The following GLI3 variants were observed in gnomAD, a reference collection of about 807,000 sequenced individuals.
GLI3 encodes GLI family zinc finger 3.
GLI3 carries 20 observed loss-of-function variants against 100.8 expected under a neutral mutation model. The ratio of observed to expected loss-of-function variants is 0.20; its 90% CI spans 0.14 to 0.29. GLI3 has a LOEUF of 0.29. GLI3 is among the 10% of genes least tolerant of loss of function. The pLI is 1.00. For synonymous variants in GLI3, 938 were observed against 860.5 expected (o/e 1.09, Z -1.58); for missense variants, 2,040 against 2,128.5 (o/e 0.96, Z 0.82).
chr7:42,127,331 T>G (rs1583580422), intron 3 of GLI3, among the ~76,000 whole-genome samples: 1 of 152,220 alleles, frequency 6.6e-6, no homozygotes, highest in South Asian at 2.1e-4. Flanking sequence ...TTTTCAGAGA[T>G]GCATGATTTG....
intron 2 of GLI3, among the ~76,000 whole-genome samples, chr7:42,208,666 C>T (rs910289458): frequency 6.6e-6 from 1 of 152,146 alleles, no homozygotes; most frequent in African/African-American, 2.4e-5. Flanking sequence ...AAGAAATTTG[C>T]AAAAGCTCTA....
chr7:42,155,897 T>C (rs1299254171), intron 2 of GLI3, among the ~76,000 whole-genome samples: 1 of 152,156 alleles, frequency 6.6e-6, no homozygotes, highest in African/African-American at 2.4e-5. Context: ...TCAGCAAGTA[T>C]GCCCTGTAGC....
At chr7:42,147,904 T>A (rs1187409158) in intron 3 of GLI3, among the ~76,000 whole-genome samples, 2 of 152,132 alleles carry the variant, frequency 1.3e-5, no homozygotes, top group Admixed American at 6.5e-5. Context: ...CTGCAGCATC[T>A]GTTTGGATGG....
At chr7:42,185,963 C>G (rs1041490766) in intron 2 of GLI3, among the ~76,000 whole-genome samples, 2 of 152,196 alleles carry the variant, frequency 1.3e-5, no homozygotes, top group Admixed American at 6.5e-5. Flanking sequence ...CTATTTGGAC[C>G]AGCAGCTAAG....
At chr7:42,161,259 A>G (rs922860659) in intron 2 of GLI3, among the ~76,000 whole-genome samples, 1 of 152,204 alleles carries the variant, frequency 6.6e-6, no homozygotes, top group Non-Finnish European at 1.5e-5. Context: ...GGCAAAAATG[A>G]TAGGAAATTT....
At chr7:42,175,603 G>A (rs796659861) in intron 2 of GLI3, among the ~76,000 whole-genome samples, 3 of 148,564 alleles carry the variant, frequency 2.0e-5, no homozygotes, top group African/African-American at 7.8e-5. Flanking sequence ...GGGTGACAGA[G>A]TGAGACTCTG....
chr7:42,123,070 T>C (rs533952117), intron 3 of GLI3, among the ~76,000 whole-genome samples: 15 of 152,242 alleles, frequency 9.9e-5, no homozygotes, highest in Non-Finnish European at 4.4e-5. Flanking sequence ...GTAAAATCAA[T>C]TGGCAAGTCC....
Position 41,964,081 on chromosome 7 carries a change from TAA to T in GLI3, c.*247_*248del, listed in dbSNP as rs5883809. ...GGCTTACAGTTTTTTTTTTTTTTTT[TAA>T]AAAGAGGGTGGTTTGAGTGTAACAA... On this transcript the variant is annotated 3_prime_UTR_variant, in exon 15 of 15. Transcript: ENST00000395925. The T allele has an allele frequency of 2.1e-5, 6 of 279,488 alleles. No individual in the cohort carries two copies. Among genetic ancestry groups the T allele is most frequent in the East Asian group, 7.0e-5 (1 of 14,234 alleles). 17.3% of individuals were successfully genotyped at this position (279,488 alleles called of 1,614,324 possible).
At chr7:42,237,404 A>G (rs1788831731), upstream of GLI3, among the ~76,000 whole-genome samples, 1 of 152,058 alleles carries the variant, frequency 6.6e-6, no homozygotes, top group South Asian at 2.1e-4. Context: ...CTGGCATCCA[A>G]TCGACTTTCT....
chr7:42,079,299 G>A (rs1244190484), intron 3 of GLI3, among the ~76,000 whole-genome samples: 1 of 152,126 alleles, frequency 6.6e-6, no homozygotes, highest in African/African-American at 2.4e-5. Context: ...ATTTTCAAAG[G>A]AAATTATGCA....
chr7:42,024,722 C>G (rs1190979104), intron 9 of GLI3, among the ~76,000 whole-genome samples: 1 of 152,218 alleles, frequency 6.6e-6, no homozygotes, highest in Non-Finnish European at 1.5e-5. Context: ...CTACACTCTT[C>G]CTTTCAGAAT....
chr7:42,102,749 CAG>C (rs1242803165), intron 3 of GLI3, among the ~76,000 whole-genome samples: 1 of 152,210 alleles, frequency 6.6e-6, no homozygotes, highest in East Asian at 1.9e-4. Flanking sequence ...AGCTGAACTG[CAG>C]GTGAACAGCA....
At chr7:42,058,874 T>C (rs1202859372) in intron 4 of GLI3, among the ~76,000 whole-genome samples, 55 of 152,232 alleles carry the variant, frequency 3.6e-4, no homozygotes, top group Non-Finnish European at 4.4e-5. Context: ...ACTGTAAATA[T>C]AACTCATTAA....
At chr7:42,127,844 TA>T (rs956811394) in intron 3 of GLI3, among the ~76,000 whole-genome samples, 21 of 151,328 alleles carry the variant, frequency 1.4e-4, no homozygotes, top group African/African-American at 3.9e-4. Context: ...TCTATCTCTA[TA>T]AAAAAAATAC....
At position 42,191,368 on chromosome 7, in the gene GLI3, A is replaced by G. The variant is rs911925221; in HGVS notation, c.124+31762T>C. On this transcript the variant is annotated intron_variant, in intron 2 of 14. Coordinates refer to ENST00000395925, the MANE Select transcript of GLI3 (RefSeq NM_000168.6). The stretch of plus-strand genomic sequence containing the variant: ...CTCTCGCCTATAATCCCAGGCAAGG[A>G]TTCATTCAATGAATCCATTGATCCA... 5.3e-5 allele frequency among the ~76,000 whole-genome samples: 8 copies of G among 152,220 alleles called. No homozygotes were observed. In the East Asian group the frequency reaches 1.4e-3, roughly 26 times the overall value.
chr7:42,105,408 T>C (rs1335734140), intron 3 of GLI3, among the ~76,000 whole-genome samples: 1 of 152,082 alleles, frequency 6.6e-6, no homozygotes, highest in Non-Finnish European at 1.5e-5. Context: ...TAGTTTCAAA[T>C]ATTTATAAAA....
intron 1 of GLI3, among the ~76,000 whole-genome samples, chr7:42,255,829 G>T (rs983464890): frequency 5.3e-5 from 8 of 152,124 alleles, no homozygotes; most frequent in Non-Finnish European, 1.2e-4. Context: ...TAGTTTCCTA[G>T]TAGTAAAATT....
intron 10 of GLI3, among the ~76,000 whole-genome samples, chr7:41,984,535 CA>C (rs2128715040): frequency 6.6e-6 from 1 of 152,320 alleles, no homozygotes; most frequent in African/African-American, 2.4e-5. Flanking sequence ...CATCCCCATT[CA>C]AACCCTGCCC....
At chr7:42,086,980 G>A (rs1183561157) in intron 3 of GLI3, among the ~76,000 whole-genome samples, 2 of 152,150 alleles carry the variant, frequency 1.3e-5, no homozygotes, top group Non-Finnish European at 2.9e-5. Flanking sequence ...GTCCCTGCCA[G>A]GGTGCACACA....
Sources: allele counts gnomAD v4.1 joint callset (sites outside exome capture counted in the v4.1 genomes callset), GRCh38; gene constraint gnomAD v4.1.1; transcripts MANE v1.5; gene names NCBI Gene and HGNC (gene_info 2026-07-23, HGNC 2026-07-21).